PTGER3: variants seen among roughly 807,000 people sequenced by gnomAD.
PTGER3 encodes prostaglandin E receptor 3, also known as prostaglandin E2 receptor EP3 subtype.
PTGER3 carries 22 observed loss-of-function variants against 34.7 expected under a neutral mutation model. The observed-to-expected ratio is 0.63, with a 90% CI of 0.45 to 0.91. PTGER3 has a LOEUF of 0.91. PTGER3 is among the 40% of genes least tolerant of loss of function. PTGER3 has a pLI of 0.00. For missense variants in PTGER3, 468 were observed against 519.4 expected, an observed-to-expected ratio of 0.90 and a Z score of 0.96; for synonymous variants, 241 against 230.1, an observed-to-expected ratio of 1.05 and a Z score of -0.43.
intron 4 of PTGER3, among the ~76,000 whole-genome samples, chr1:70,908,432 T>A (rs1646994564): frequency 1.3e-5 from 2 of 152,126 alleles, no homozygotes; most frequent in African/African-American, 4.8e-5. Context: ...CAGCTCCTTC[T>A]CCCCTGGAGC....
At position 70,990,402 on chromosome 1, in the gene PTGER3, A is replaced by AT. The variant is rs1557718645; in HGVS notation, c.1078-16015_1078-16014insA. On this transcript the variant is annotated intron_variant, in intron 2 of 3. Coordinates refer to ENST00000306666, the MANE Select transcript of PTGER3 (RefSeq NM_198719.2). Reference sequence around the variant, plus strand: ...ACACACACACATATATATATATATAAAATACATATTATATCTATTATACAT... The same window carrying AT: ...ACACACACACATATATATATATATAATAATACATATTATATCTATTATACAT... Among the ~76,000 whole-genome samples, 17 of 142,598 alleles carry AT rather than the reference A, an allele frequency of 1.2e-4. No homozygotes were observed. In the East Asian group the frequency reaches 2.9e-3, roughly 24 times the overall value. 93.5% of individuals were successfully genotyped at this position (142,598 alleles called of 152,430 possible).
intron 2 of PTGER3, among the ~76,000 whole-genome samples, chr1:70,957,593 A>G (rs1651476292): frequency 6.6e-6 from 1 of 152,158 alleles, no homozygotes; most frequent in Non-Finnish European, 1.5e-5. Flanking sequence ...ATAATATTAC[A>G]TATTTCTGGG....
At chr1:70,911,077 TTA>T (rs1012569369) in intron 4 of PTGER3, among the ~76,000 whole-genome samples, 43 of 137,362 alleles carry the variant, frequency 3.1e-4, no homozygotes, top group African/African-American at 1.1e-3. Context: ...GAGACTCCAT[TTA>T]AAAAAAAAAA....
chr1:70,868,567 T>A (rs992126125), intron 4 of PTGER3, among the ~76,000 whole-genome samples: 1 of 152,138 alleles, frequency 6.6e-6, no homozygotes, highest in Non-Finnish European at 1.5e-5. Flanking sequence ...TCACAGCCAC[T>A]AAGATTTTGC....
chr1:71,022,176 G>T (rs764552474), intron 1 of PTGER3, among the ~76,000 whole-genome samples: 1 of 151,822 alleles, frequency 6.6e-6, no homozygotes, highest in Non-Finnish European at 1.5e-5. Context: ...AGTAGCTGGT[G>T]ACTTAGCTAT....
chr1:70,860,065 G>A (rs990295854), intron 4 of PTGER3, among the ~76,000 whole-genome samples: 7 of 152,100 alleles, frequency 4.6e-5, no homozygotes, highest in South Asian at 2.1e-4. Flanking sequence ...GGGAGTGGGC[G>A]CTGGATTTGC....
intron 4 of PTGER3, among the ~76,000 whole-genome samples, chr1:70,917,409 G>GTC (rs1243778173): frequency 7.7e-6 from 1 of 129,594 alleles, no homozygotes; most frequent in African/African-American, 3.8e-5. Context: ...TATTTTGTGT[G>GTC]TGTGTGTGTG....
At chr1:70,873,491 G>C (rs1646206237) in intron 4 of PTGER3, among the ~76,000 whole-genome samples, 1 of 152,110 alleles carries the variant, frequency 6.6e-6, no homozygotes, top group Non-Finnish European at 1.5e-5. Context: ...ATATGTGTCT[G>C]TGTACTCTGA....
chr1:70,948,986 A>T (rs1008159353), downstream of PTGER3, among the ~76,000 whole-genome samples: 2 of 152,132 alleles, frequency 1.3e-5, no homozygotes, highest in African/African-American at 2.4e-5. Context: ...TTTTTCTTTG[A>T]GTTAAATATT....
chr1:71,013,158 A>T (rs1657599689), intron 1 of PTGER3, among the ~76,000 whole-genome samples: 1 of 152,136 alleles, frequency 6.6e-6, no homozygotes, highest in Non-Finnish European at 1.5e-5. Context: ...GGAATTTGGG[A>T]CTATTTTTTC....
intron 4 of PTGER3, among the ~76,000 whole-genome samples, chr1:70,946,191 ATC>A (rs1650211618): frequency 6.6e-6 from 1 of 151,980 alleles, no homozygotes; most frequent in African/African-American, 2.4e-5. Context: ...CCCACCACAT[ATC>A]ACTTTTATGA....
chr1:71,007,962 C>T, intron 2 of PTGER3: 1 of 985,146 alleles, frequency 1.0e-6, no homozygotes, highest in Non-Finnish European at 1.2e-6. Flanking sequence ...CTTATCTTTA[C>T]TCCCATAATA....
At chr1:71,020,113 A>T (rs1658268948) in intron 1 of PTGER3, among the ~76,000 whole-genome samples, 1 of 152,188 alleles carries the variant, frequency 6.6e-6, no homozygotes, top group Admixed American at 6.5e-5. Flanking sequence ...AAGAAGCTTC[A>T]CTGTGGATTA....
chr1:70,980,010 G>C (rs945526657), intron 2 of PTGER3, among the ~76,000 whole-genome samples: 1 of 148,422 alleles, frequency 6.7e-6, no homozygotes, highest in African/African-American at 2.5e-5. Context: ...GAAGCCTTAA[G>C]AATTCACAGA....
intron 4 of PTGER3, among the ~76,000 whole-genome samples, chr1:70,939,866 G>C (rs917687505): frequency 5.3e-5 from 8 of 152,192 alleles, no homozygotes; most frequent in African/African-American, 1.7e-4. Context: ...ATAGCCTGGA[G>C]ACATTTTCTC....
intron 4 of PTGER3, among the ~76,000 whole-genome samples, chr1:70,896,273 C>T (rs150417441): frequency 3.9e-5 from 6 of 152,192 alleles, no homozygotes; most frequent in African/African-American, 7.2e-5. Context: ...GATCAAGTTT[C>T]GAGGAGGACA....
At chr1:71,011,236 C>G in intron 2 of PTGER3, 1 of 985,238 alleles carries the variant, frequency 1.0e-6, no homozygotes, top group Non-Finnish European at 1.2e-6. Context: ...CTTTGAGGAG[C>G]AGGCAGAAGA....
At chr1:70,984,386 CAAA>C (rs66985528) in intron 2 of PTGER3, among the ~76,000 whole-genome samples, 6 of 138,118 alleles carry the variant, frequency 4.3e-5, no homozygotes, top group Non-Finnish European at 6.3e-5. Flanking sequence ...GACTCTGCCT[CAAA>C]AAAAAAAAAA....
intron 4 of PTGER3, among the ~76,000 whole-genome samples, chr1:70,912,126 G>A (rs1331704526): frequency 4.6e-5 from 7 of 151,852 alleles, no homozygotes; most frequent in African/African-American, 1.7e-4. Flanking sequence ...ATGGTAACTC[G>A]GTGTTCTTAA....
Sources: allele counts gnomAD v4.1 joint callset (sites outside exome capture counted in the v4.1 genomes callset), GRCh38; gene constraint gnomAD v4.1.1; transcripts MANE v1.5; gene names NCBI Gene and HGNC (gene_info 2026-07-23, HGNC 2026-07-21).